KIAA0753: variants seen among roughly 807,000 people sequenced by gnomAD.
KIAA0753 encodes the protein protein moonraker.
A neutral mutation model predicts 116.9 loss-of-function variants in KIAA0753; 114 were observed. The observed-to-expected ratio is 0.98, with a 90% confidence interval of 0.84 to 1.14. The LOEUF (loss-of-function observed/expected upper bound fraction) is 1.14. Ranked by LOEUF, KIAA0753 falls within the 50% of genes most tolerant of loss-of-function variation. The probability of loss-of-function intolerance (pLI) is 0.00; values close to 1 mark genes in which losing one functional copy is unlikely to be tolerated. For synonymous variants in KIAA0753, 405 were observed against 413.1 expected (o/e 0.98, Z 0.24); for missense variants, 1,156 against 1,172.4 (o/e 0.99, Z 0.20).
rs1362227350 is a variant in KIAA0753, at chr17:6,579,289, G to A, written c.*458C>T. On this transcript the variant is annotated 3_prime_UTR_variant, in exon 19 of 19. Coordinates refer to ENST00000361413, the MANE Select transcript of KIAA0753 (RefSeq NM_014804.3). Reference sequence around the variant, plus strand: ...GGGCCAGAGGTCCTGACAGGAAATCGCCAAAGATGCAAAACAGGGGCCCCG... The same window carrying A: ...GGGCCAGAGGTCCTGACAGGAAATCACCAAAGATGCAAAACAGGGGCCCCG... The A allele has an allele frequency of 5.1e-5, 8 of 158,296 alleles. No homozygotes were observed. Among genetic ancestry groups the A allele is most frequent in the Non-Finnish European group, 9.8e-5 (7 of 71,636 alleles). 9.8% of individuals were successfully genotyped at this position (158,296 alleles called of 1,614,324 possible).
rs535440997 is a variant in KIAA0753 at position 6,593,610 on chromosome 17, A to G, written c.2440+1362T>C. Among the ~76,000 whole-genome samples the G allele has an allele frequency of 4.6e-3, 644 of 138,520 alleles. 4 individuals carry two copies. Among genetic ancestry groups the G allele is most frequent in the African/African-American group, 0.017 (612 of 37,082 alleles). 90.9% of individuals were successfully genotyped at this position (138,520 alleles called of 152,430 possible). On this transcript the variant is annotated intron_variant, in intron 16 of 18. Coordinates refer to ENST00000361413, the MANE Select transcript of KIAA0753 (RefSeq NM_014804.3). ...TGGAATCCCAGCACTTCAGGAGGCCAGGCGCAATGGCTCACACCTGGAATC... is the reference window on the plus strand; with the variant it reads ...TGGAATCCCAGCACTTCAGGAGGCCGGGCGCAATGGCTCACACCTGGAATC...
intron 18 of KIAA0753, among the ~76,000 whole-genome samples, chr17:6,587,509 T>G (rs2150738203): frequency 6.6e-6 from 1 of 152,344 alleles, no homozygotes; most frequent in East Asian, 1.9e-4. Flanking sequence ...GGCTTGCTTT[T>G]GGGTTTCCCA....
chr17:6,584,818 C>T (rs1275805047), intron 18 of KIAA0753, among the ~76,000 whole-genome samples: 1 of 152,156 alleles, frequency 6.6e-6, no homozygotes, highest in African/African-American at 2.4e-5. Context: ...AATTTTTAAA[C>T]ACTTTGCCCA....
At chr17:6,596,430 A>C in intron 14 of KIAA0753, 87 bp from the exon 15 acceptor site, 1 of 1,064,368 alleles carries the variant, frequency 9.4e-7, no homozygotes, top group Non-Finnish European at 1.4e-6. Context: ...AAACATAAAA[A>C]TTATTGTTAA....
At position 6,628,562 on chromosome 17, in the gene KIAA0753, G is replaced by A; in HGVS notation, c.273C>T (p.Val91=). The A allele has an allele frequency of 6.2e-7, 1 of 1,614,160 alleles. No homozygotes were observed. The highest frequency in any genetic ancestry group is 8.5e-7 in the Non-Finnish European group (1 of 1,179,998). Residue 91 remains valine (V), a synonymous_variant, in exon 3 of 19, where the codon GTC becomes GTT. Transcript: ENST00000361413. The part of the protein sequence containing the change: ...PDLGSSVSFS[V]ISQERLSYAV... ...CATAGCTAAGTCTCTCTTGGGATAT[G>A]ACGGAAAATGAAACAGAACTGCCCA...
intron 7 of KIAA0753, among the ~76,000 whole-genome samples, chr17:6,614,340 G>A (rs747010268): frequency 1.3e-5 from 2 of 152,074 alleles, no homozygotes; most frequent in Admixed American, 6.6e-5. Flanking sequence ...CTTCATCATT[G>A]TTTATAAAAG....
At chr17:6,585,149 C>CATA (rs34469549) in intron 18 of KIAA0753, among the ~76,000 whole-genome samples, 104,275 of 151,902 alleles carry the variant, frequency 0.69, 37,216 homozygotes, top group African/African-American at 0.9. Flanking sequence ...TATCTGAGCA[C>CATA]ATGCTAGGTT....
At chr17:6,595,479 A>G (rs1294915265) in intron 15 of KIAA0753, among the ~76,000 whole-genome samples, 3 of 150,946 alleles carry the variant, frequency 2.0e-5, no homozygotes, top group Non-Finnish European at 4.4e-5. Flanking sequence ...CGGATCTTTA[A>G]ACTTTCAAAT....
At chr17:6,631,479 G>A (rs551670248) in intron 2 of KIAA0753, among the ~76,000 whole-genome samples, 1 of 152,292 alleles carries the variant, frequency 6.6e-6, no homozygotes, top group South Asian at 2.1e-4. Context: ...TTGGAAATAT[G>A]TAGTGTTGGA....
intron 6 of KIAA0753, among the ~76,000 whole-genome samples, chr17:6,621,305 T>C (rs1397596152): frequency 6.6e-6 from 1 of 152,256 alleles, no homozygotes; most frequent in Admixed American, 6.5e-5. Context: ...GTCTTCAGAA[T>C]ATTATCCCAT....
intron 4 of KIAA0753, 96 bp downstream of exon 4, chr17:6,624,659 T>C (rs1971549322): frequency 1.1e-5 from 8 of 760,092 alleles, no homozygotes; most frequent in Non-Finnish European, 1.8e-5. Flanking sequence ...TGGGATACTC[T>C]AGTGCTAATC....
At chr17:6,608,635 A>G in intron 9 of KIAA0753, among the ~76,000 whole-genome samples, 171 bp from the exon 10 acceptor site, 1 of 152,222 alleles carries the variant, frequency 6.6e-6, no homozygotes, top group East Asian at 1.9e-4. Flanking sequence ...TCCCGCACTC[A>G]GGCACAGTGT....
chr17:6,608,726 GGTGA>G (rs1422078440), intron 9 of KIAA0753, among the ~76,000 whole-genome samples: 4 of 152,120 alleles, frequency 2.6e-5, no homozygotes, highest in Admixed American at 2.6e-4. Flanking sequence ...CAGAATATTG[GGTGA>G]GTGTCAACAA....
At chr17:6,622,675 C>T (rs1204961265) in intron 6 of KIAA0753, among the ~76,000 whole-genome samples, 1 of 152,200 alleles carries the variant, frequency 6.6e-6, no homozygotes, top group African/African-American at 2.4e-5. Context: ...ATTCAAGTTA[C>T]CAATTTTCGA....
At chr17:6,637,309 T>G (rs11868516) in intron 1 of KIAA0753, 32,567 of 152,176 alleles carry the variant, frequency 0.21, 5,191 homozygotes, top group African/African-American at 0.44. Flanking sequence ...GGCTCCACCG[T>G]GTCTCCTTCT....
At chr17:6,610,232 T>C (rs970982089) in intron 8 of KIAA0753, 72 bp from the exon 9 acceptor site, 76 of 1,507,238 alleles carry the variant, frequency 5.0e-5, no homozygotes, top group Non-Finnish European at 6.6e-5. Flanking sequence ...TCTGACTCAC[T>C]GAAGCTCCAA....
rs556521192 is a variant in KIAA0753, at chr17:6,600,475, T to C, written c.2010-17A>G. 5.0e-6 allele frequency: 8 copies of C among 1,594,402 alleles called. No individual in the cohort carries two copies. In the Admixed American group the frequency reaches 5.0e-5, roughly 10 times the overall value. On this transcript the variant is annotated splice_polypyrimidine_tract_variant and intron_variant, in intron 12 of 18. Transcript: ENST00000361413. ...GCAGAAACACTATTTAGAAATAAAA[T>C]TGAAAATTAAAATCAAAGGCAATAA...
chr17:6,606,914 A>T lies in KIAA0753; in HGVS notation c.1968T>A (p.Asn656Lys). 2 of 1,614,134 alleles carry T rather than the reference A, an allele frequency of 1.2e-6. No individual in the cohort carries two copies. Among genetic ancestry groups the T allele is most frequent in the Non-Finnish European group, 1.7e-6 (2 of 1,180,000 alleles). ...TATACATTTCTTCAGCTTTGAGCTC[A>T]TTCAGTTCCTTTGTTCTTCTAGAAG... The part of the protein sequence containing the change: ...AETSRRTKEL[N>K]ELKAEEMYRL... Residue 656 changes from asparagine (N) to lysine (K), a missense_variant, in exon 12 of 19, where the codon AAT becomes AAA. Asn to Lys is a moderately conservative substitution (Grantham distance 94, BLOSUM62 0). Coordinates refer to ENST00000361413, the MANE Select transcript of KIAA0753 (RefSeq NM_014804.3).
Position 6,584,080 on chromosome 17 carries a change from G to C in KIAA0753, c.2787-4216C>G, listed in dbSNP as rs796876762. 9.7e-4 allele frequency among the ~76,000 whole-genome samples: 147 copies of C among 152,184 alleles called. 1 individual carries two copies. The highest frequency in any genetic ancestry group is 3.4e-3 in the African/African-American group (140 of 41,506). On this transcript the variant is annotated intron_variant, in intron 18 of 18. Coordinates refer to ENST00000361413, the MANE Select transcript of KIAA0753 (RefSeq NM_014804.3). ...TACATCCAGGTCACCTGTACTTCCA[G>C]AGTGCAATCTTTTAGGAGCTCAATT...
Sources: allele counts gnomAD v4.1 joint callset (sites outside exome capture counted in the v4.1 genomes callset), GRCh38; gene constraint gnomAD v4.1.1; transcripts MANE v1.5; gene names NCBI Gene and HGNC (gene_info 2026-07-23, HGNC 2026-07-21).